MAN1A2: variants seen among roughly 807,000 people sequenced by gnomAD.
MAN1A2 encodes the protein mannosyl-oligosaccharide 1,2-alpha-mannosidase IB.
A neutral mutation model predicts 75.7 loss-of-function variants in MAN1A2; 26 were observed. The observed-to-expected ratio is 0.34, with a 90% CI of 0.25 to 0.48. MAN1A2 has a LOEUF of 0.48. MAN1A2 is among the 20% of genes least tolerant of loss of function. The pLI, the probability that MAN1A2 is intolerant of heterozygous loss-of-function variation, is 0.99. For synonymous variants in MAN1A2, 247 were observed against 264.6 expected, an observed-to-expected ratio of 0.93 and a Z score of 0.65; for missense variants, 562 against 775.5, an observed-to-expected ratio of 0.72 and a Z score of 3.27.
chr1:117,388,182 G>A (rs769224891), intron 1 of MAN1A2, among the ~76,000 whole-genome samples: 18 of 152,116 alleles, frequency 1.2e-4, no homozygotes, highest in Non-Finnish European at 2.5e-4. Flanking sequence ...AAGGAAAGAT[G>A]TGAGCCAATA....
intron 5 of MAN1A2, among the ~76,000 whole-genome samples, chr1:117,433,402 A>C (rs1361712868): frequency 5.3e-5 from 8 of 152,200 alleles, no homozygotes; most frequent in Admixed American, 5.2e-4. Context: ...TTTCATTCTG[A>C]TAAGGGACAC....
intron 1 of MAN1A2, among the ~76,000 whole-genome samples, chr1:117,371,075 C>T (rs1652948737): frequency 6.6e-6 from 1 of 152,082 alleles, no homozygotes; most frequent in Non-Finnish European, 1.5e-5. Context: ...ATAGTACATG[C>T]AAAGCACTCA....
chr1:117,522,854 A>C lies in MAN1A2; in HGVS notation c.1823A>C (p.Asp608Ala), dbSNP rs1306616704. The C allele has an allele frequency of 6.2e-7, 1 of 1,611,270 alleles. No homozygotes were observed. Among genetic ancestry groups the C allele is most frequent in the Non-Finnish European group, 8.5e-7 (1 of 1,178,286 alleles). ...KYLYLLFSGD[D>A]LLPLDHWVFN... is the part of the protein sequence containing the mutation. ...TTGTATCTGCTGTTCTCCGGTGATG[A>C]CCTTTTACCTTTAGACCACTGGGTG... The change falls in exon 13 of 13, where the codon GAC becomes GCC. Residue 608 changes from aspartate (D) to alanine (A), a missense_variant. Around this residue, in one of 2 missense-constraint regions of MAN1A2, gnomAD observed 434 missense variants for 645.7 expected, o/e 0.67. Coordinates refer to ENST00000356554, the MANE Select transcript of MAN1A2 (RefSeq NM_006699.5).
At chr1:117,396,121 C>T (rs1457640800) in intron 1 of MAN1A2, among the ~76,000 whole-genome samples, 1 of 152,190 alleles carries the variant, frequency 6.6e-6, no homozygotes. Flanking sequence ...ACTCAATTAC[C>T]TGTATGGTTG....
At chr1:117,459,662 A>G (rs902074805) in intron 6 of MAN1A2, among the ~76,000 whole-genome samples, 1 of 152,186 alleles carries the variant, frequency 6.6e-6, no homozygotes, top group African/African-American at 2.4e-5. Context: ...AAAAATTACT[A>G]GACAGATTAA....
rs1355899003 is a variant in MAN1A2 at position 117,400,833 on chromosome 1, A to T, written c.303-1353A>T. On this transcript the variant is annotated intron_variant, in intron 1 of 12. Transcript: ENST00000356554. Reference sequence around the variant, plus strand: ...ATTTGTGTATAGTCCTTTGTCCTCCATTTTTTTTCATTATGGCAAAATACA... The same window carrying T: ...ATTTGTGTATAGTCCTTTGTCCTCCTTTTTTTTTCATTATGGCAAAATACA... 2.6e-5 allele frequency among the ~76,000 whole-genome samples: 4 copies of T among 151,632 alleles called. No individual in the cohort carries two copies. In the South Asian group the frequency reaches 8.3e-4, roughly 31 times the overall value.
At chr1:117,467,619 T>C (rs897931678) in intron 8 of MAN1A2, among the ~76,000 whole-genome samples, 2 of 152,128 alleles carry the variant, frequency 1.3e-5, no homozygotes, top group Admixed American at 6.6e-5. Flanking sequence ...ATGCCTAGAC[T>C]GAGTGGGAAT....
At chr1:117,396,690 GAAAT>G (rs1653913404) in intron 1 of MAN1A2, among the ~76,000 whole-genome samples, 1 of 152,136 alleles carries the variant, frequency 6.6e-6, no homozygotes, top group South Asian at 2.1e-4. Context: ...TCAAGGAAAA[GAAAT>G]AAAGCACATT....
chr1:117,516,098 C>T (rs951462945), intron 12 of MAN1A2, among the ~76,000 whole-genome samples: 1 of 152,046 alleles, frequency 6.6e-6, no homozygotes, highest in Admixed American at 6.6e-5. Context: ...TGCTTCCCTC[C>T]ATTATTCCTA....
At position 117,526,353 on chromosome 1, in the gene MAN1A2, G is replaced by A. The variant is rs11549409; in HGVS notation, c.*3396G>A. The A allele has an allele frequency of 1.1e-4, 17 of 151,526 alleles. No homozygotes were observed. Among genetic ancestry groups the A allele is most frequent in the Admixed American group, 1.1e-3 (16 of 15,160 alleles). 9.4% of individuals were successfully genotyped at this position (151,526 alleles called of 1,614,324 possible). ...ATTTTAAATGTTTCCAATATGAATCGTGTTACAAAATTCTTAATTTTATAT... is the reference window on the plus strand; with the variant it reads ...ATTTTAAATGTTTCCAATATGAATCATGTTACAAAATTCTTAATTTTATAT... On this transcript the variant is annotated 3_prime_UTR_variant, in exon 13 of 13. Transcript: ENST00000356554.
At position 117,377,048 on chromosome 1, in the gene MAN1A2, CTG is replaced by C. The variant is rs756498171; in HGVS notation, c.302+8567_302+8568del. Among the ~76,000 whole-genome samples the C allele has an allele frequency of 5.3e-5, 8 of 152,184 alleles. 1 individual carries two copies. In the South Asian group the frequency reaches 1.7e-3, roughly 32 times the overall value. On this transcript the variant is annotated intron_variant, in intron 1 of 12. Coordinates refer to ENST00000356554, the MANE Select transcript of MAN1A2 (RefSeq NM_006699.5). ...ATTCCTCATGGATATCAAGGAACAACTGTGTTTATATTTAGCCATATATACAT... is the reference window on the plus strand; with the variant it reads ...ATTCCTCATGGATATCAAGGAACAACTGTTTATATTTAGCCATATATACAT...
intron 7 of MAN1A2, among the ~76,000 whole-genome samples, chr1:117,463,212 A>G (rs1222071664): frequency 1.3e-5 from 2 of 152,016 alleles, no homozygotes; most frequent in African/African-American, 2.4e-5. Flanking sequence ...ATGTAACTTC[A>G]TGTCATATTT....
chr1:117,480,129 C>T (rs61805820), intron 8 of MAN1A2, among the ~76,000 whole-genome samples: 32,793 of 151,772 alleles, frequency 0.22, 4,641 homozygotes, highest in East Asian at 0.42. Context: ...AGTTTCTTCA[C>T]GTGCAAGTGC....
intron 1 of MAN1A2, among the ~76,000 whole-genome samples, chr1:117,398,010 T>A (rs966689581): frequency 6.6e-6 from 1 of 152,166 alleles, no homozygotes; most frequent in Non-Finnish European, 1.5e-5. Flanking sequence ...GTATATCATA[T>A]TTACTTCAGA....
intron 10 of MAN1A2, among the ~76,000 whole-genome samples, chr1:117,497,700 G>A (rs1651072734): frequency 6.6e-6 from 1 of 151,738 alleles, no homozygotes; most frequent in African/African-American, 2.4e-5. Context: ...AGGCAATTAG[G>A]CTTTTTTAAA....
chr1:117,418,954 G>C (rs1370389038), intron 4 of MAN1A2, among the ~76,000 whole-genome samples: 3 of 152,076 alleles, frequency 2.0e-5, no homozygotes, highest in Non-Finnish European at 4.4e-5. Context: ...TTTATTCAGA[G>C]ACCTATAGGA....
intron 5 of MAN1A2, among the ~76,000 whole-genome samples, chr1:117,441,077 A>AT: frequency 6.6e-6 from 1 of 152,298 alleles, no homozygotes; most frequent in East Asian, 1.9e-4. Flanking sequence ...GTGTGAATAT[A>AT]TCTAATTAAA....
chr1:117,486,382 A>G (rs1650701341), intron 8 of MAN1A2, among the ~76,000 whole-genome samples: 1 of 151,922 alleles, frequency 6.6e-6, no homozygotes, highest in Non-Finnish European at 1.5e-5. Flanking sequence ...ATTCTCTATA[A>G]TAAGGAGAAC....
At chr1:117,479,349 A>G (rs1650420246) in intron 8 of MAN1A2, among the ~76,000 whole-genome samples, 1 of 151,934 alleles carries the variant, frequency 6.6e-6, no homozygotes, top group African/African-American at 2.4e-5. Context: ...TGTATTATTA[A>G]TGGGCATTTA....
Sources: allele counts gnomAD v4.1 joint callset (sites outside exome capture counted in the v4.1 genomes callset), GRCh38; gene constraint gnomAD v4.1.1; regional missense constraint gnomAD v4.1.1; transcripts MANE v1.5; gene names NCBI Gene and HGNC (gene_info 2026-07-23, HGNC 2026-07-21).